Variants in ADGRB1 observed in about 807,000 individuals in gnomAD.
The protein encoded by ADGRB1 is brain-specific angiogenesis inhibitor 1.
In ADGRB1, 36 loss-of-function variants were observed where a neutral mutation model predicts 175.7. The ratio of observed to expected loss-of-function variants is 0.20; its 90% CI spans 0.16 to 0.27. ADGRB1 has a LOEUF of 0.27. Among genes scored for constraint, ADGRB1 ranks in the 10% least tolerant of loss-of-function variants. The pLI, the probability that ADGRB1 is intolerant of heterozygous loss-of-function variation, is 1.00. For synonymous variants in ADGRB1, 1,054 were observed against 979.4 expected (o/e 1.08, Z -1.42); for missense variants, 1,731 against 2,255.3 (o/e 0.77, Z 4.71).
chr8:142,476,309 G>A (rs369100685), intron 3 of ADGRB1, among the ~76,000 whole-genome samples: 3 of 152,308 alleles, frequency 2.0e-5, no homozygotes, highest in African/African-American at 7.2e-5. Flanking sequence ...TGGGGTGCCA[G>A]GCACGGGAGA....
At chr8:142,480,163 A>C (rs1841255263) in intron 9 of ADGRB1, among the ~76,000 whole-genome samples, 1 of 152,162 alleles carries the variant, frequency 6.6e-6, no homozygotes. Context: ...TGCCAGCCTC[A>C]AGGAGAAAGC....
intron 1 of ADGRB1, among the ~76,000 whole-genome samples, chr8:142,463,469 C>T (rs567256973): frequency 6.6e-6 from 1 of 152,244 alleles, no homozygotes; most frequent in Non-Finnish European, 1.5e-5. Flanking sequence ...CTCCTGTGCT[C>T]CGGGCCCACT....
intron 22 of ADGRB1, among the ~76,000 whole-genome samples, chr8:142,522,992 T>A (rs893879065): frequency 1.3e-5 from 2 of 152,236 alleles, no homozygotes; most frequent in Admixed American, 6.5e-5. Context: ...CATTAGTCAC[T>A]CTGAGCCTCA....
At chr8:142,525,931 G>A (rs574212281) in intron 23 of ADGRB1, among the ~76,000 whole-genome samples, 1 of 152,270 alleles carries the variant, frequency 6.6e-6, no homozygotes, top group South Asian at 2.1e-4. Flanking sequence ...GGAGACAGGG[G>A]GAGACCCCAG....
In ADGRB1 at chr8:142,522,012, C is replaced by T. The variant is rs754287815; in HGVS notation, c.3072C>T (p.Ser1024=). The part of the protein sequence containing the change: ...VAAFLHFFFL[S]SFCWVLTEAW... ...CCTTCCTGCACTTCTTCTTCCTGTC[C>T]TCCTTCTGCTGGGTGCTCACCGAGG... is the stretch of plus-strand genomic sequence containing the variant. The change falls in exon 21 of 31, where the codon TCC becomes TCT. Residue 1024 remains serine (S), a synonymous_variant. Coordinates refer to ENST00000517894, the MANE Select transcript of ADGRB1 (RefSeq NM_001702.3). 3 of 1,611,200 alleles carry T rather than the reference C, an allele frequency of 1.9e-6. No homozygotes were observed. Among genetic ancestry groups the T allele is most frequent in the Admixed American group, 1.7e-5 (1 of 59,680 alleles).
chr8:142,543,802 C>A lies in ADGRB1; in HGVS notation c.4557+94C>A. Reference sequence around the variant, plus strand: ...GGATTTGTGCACTTCATCCATCCATCCATCCATCCATCCATTCGTTCATTC... The same window carrying A: ...GGATTTGTGCACTTCATCCATCCATACATCCATCCATCCATTCGTTCATTC... On this transcript the variant is annotated intron_variant, in intron 30 of 30. Coordinates refer to ENST00000517894, the MANE Select transcript of ADGRB1 (RefSeq NM_001702.3). This position sits in a 1 kb window ranked among gnomAD's most constrained non-coding sequence, Gnocchi z 4.4. 8.7e-7 allele frequency: 1 copy of A among 1,149,874 alleles called. No individual in the cohort carries two copies. The highest frequency in any genetic ancestry group is 1.3e-6 in the Non-Finnish European group (1 of 788,354). The allele number at this position is 1,149,874 out of a possible 1,614,324, so 71.2% of individuals were successfully genotyped here. A position where few individuals can be genotyped will look rare whatever the true frequency, so the allele number is the denominator to read the frequency against.
chr8:142,478,184 C>G lies in ADGRB1; in HGVS notation c.1388-3C>G, dbSNP rs749405745. The G allele has an allele frequency of 6.2e-7, 1 of 1,600,678 alleles. No individual in the cohort carries two copies. The highest frequency in any genetic ancestry group is 8.5e-7 in the Non-Finnish European group (1 of 1,174,470). ...CCCACTTTGTGTCTCCTTCCTCCCC[C>G]GGGCCGGGCAGTGGATGGAAACTGG... On this transcript the variant is annotated splice_polypyrimidine_tract_variant and splice_region_variant and intron_variant, in intron 6 of 30. Coordinates refer to ENST00000517894, the MANE Select transcript of ADGRB1 (RefSeq NM_001702.3).
intron 24 of ADGRB1, among the ~76,000 whole-genome samples, chr8:142,529,437 TCTC>T (rs1563744997): frequency 6.6e-6 from 1 of 152,142 alleles, no homozygotes; most frequent in African/African-American, 2.4e-5. Flanking sequence ...TTGGGTGTGC[TCTC>T]AAGTGTACTG....
rs539790421 is a variant in ADGRB1 at position 142,471,239 on chromosome 8, T to C, written c.785-4235T>C. Reference sequence around the variant, plus strand: ...AGGATGGGGCCCCATGGGAATGATATGCTGGGCCCACCATGCCTTCAGCCC... The same window carrying C: ...AGGATGGGGCCCCATGGGAATGATACGCTGGGCCCACCATGCCTTCAGCCC... On this transcript the variant is annotated intron_variant, in intron 2 of 30. Transcript: ENST00000517894. Among the ~76,000 whole-genome samples the C allele has an allele frequency of 2.2e-4, 34 of 152,312 alleles. 1 individual carries two copies. The South Asian group carries it at 3.3e-3, about 15-fold the overall frequency.
At chr8:142,471,773 G>T (rs940160141) in intron 2 of ADGRB1, among the ~76,000 whole-genome samples, 1 of 152,234 alleles carries the variant, frequency 6.6e-6, no homozygotes, top group African/African-American at 2.4e-5. Flanking sequence ...GTGGCGGGAG[G>T]AAGGGGGACC....
intron 18 of ADGRB1, among the ~76,000 whole-genome samples, chr8:142,513,933 G>A (rs1017956540): frequency 3.3e-5 from 5 of 152,180 alleles, no homozygotes; most frequent in African/African-American, 4.8e-5. Flanking sequence ...GTGAGGAGCC[G>A]GCTACAGAAT....
chr8:142,505,499 G>A (rs1842809149), intron 17 of ADGRB1, among the ~76,000 whole-genome samples: 1 of 152,182 alleles, frequency 6.6e-6, no homozygotes, highest in Non-Finnish European at 1.5e-5. Flanking sequence ...CTGGGGCTGA[G>A]GGCGACGTGA....
At chr8:142,536,239 A>C (rs60262122) in intron 25 of ADGRB1, among the ~76,000 whole-genome samples, 53,852 of 151,372 alleles carry the variant, frequency 0.36, 10,015 homozygotes, top group East Asian at 0.57. Context: ...TTCCCTTTAT[A>C]TACTGTTACC....
chr8:142,456,468 C>T (rs1839689498), intron 1 of ADGRB1, among the ~76,000 whole-genome samples: 1 of 152,232 alleles, frequency 6.6e-6, no homozygotes, highest in South Asian at 2.1e-4. Flanking sequence ...ATGCCACGTG[C>T]ACACTCACGT....
At chr8:142,465,245 T>C (rs1428018634) in intron 2 of ADGRB1, among the ~76,000 whole-genome samples, 1 of 152,198 alleles carries the variant, frequency 6.6e-6, no homozygotes, top group Non-Finnish European at 1.5e-5. Context: ...TGAAGGTCAC[T>C]GCAGGTGTGC....
In ADGRB1 at chr8:142,479,783, G is replaced by A. The variant is rs372925872; in HGVS notation, c.1817G>A (p.Arg606His). The change falls in exon 9 of 31, where the codon CGC (arginine) becomes CAC (histidine). Residue 606 changes from arginine (R) to histidine (H), a missense_variant. Around this residue, in one of 8 missense-constraint regions of ADGRB1, gnomAD observed 388 missense variants for 630.9 expected, o/e 0.61. Coordinates refer to ENST00000517894, the MANE Select transcript of ADGRB1 (RefSeq NM_001702.3). ...AGEVAAVRCP[R>H]NATGLILRRC... is the part of the protein sequence containing the mutation. ...GAGGTGGCTGCTGTCCGGTGTCCCC[G>A]CAACGCCACAGGTGAGGGCTGGAGA... 49 of 1,612,978 alleles carry A rather than the reference G, an allele frequency of 3.0e-5. No homozygotes were observed. In the African/African-American group the frequency reaches 4.1e-4, roughly 14 times the overall value.
chr8:142,475,179 G>C lies in ADGRB1; in HGVS notation c.785-295G>C, dbSNP rs532701925. 8.0e-4 allele frequency among the ~76,000 whole-genome samples: 122 copies of C among 152,326 alleles called. 1 individual carries two copies. Among genetic ancestry groups the C allele is most frequent in the Non-Finnish European group, 1.3e-4 (9 of 68,024 alleles). ...TACCATCAGGACGCTGTGCTCTGAG[G>C]CAGCCCTCTGGTGGGCGGAGGTCGT... On this transcript the variant is annotated intron_variant, in intron 2 of 30. Transcript: ENST00000517894.
intron 1 of ADGRB1, among the ~76,000 whole-genome samples, chr8:142,463,045 G>A (rs745501882): frequency 6.6e-6 from 1 of 152,218 alleles, no homozygotes; most frequent in African/African-American, 2.4e-5. Flanking sequence ...CTCACGTATG[G>A]GTTCTCCGAC....
At chr8:142,475,719 A>T in intron 3 of ADGRB1, 84 bp downstream of exon 3, 4 of 136,026 alleles carry the variant, frequency 2.9e-5, no homozygotes, top group African/African-American at 9.8e-5. Context: ...GGCCCTGGAG[A>T]GGAGGGGCCC....
Sources: allele counts gnomAD v4.1 joint callset (sites outside exome capture counted in the v4.1 genomes callset), GRCh38; gene constraint gnomAD v4.1.1; regional missense constraint gnomAD v4.1.1; non-coding constraint Gnocchi (gnomAD v3.1); transcripts MANE v1.5; gene names NCBI Gene and HGNC (gene_info 2026-07-23, HGNC 2026-07-21).